Variants in PSMD5 observed in about 807,000 individuals in gnomAD.
The protein encoded by PSMD5 is proteasome 26S subunit, non-ATPase 5.
Under a neutral mutation model 52.1 loss-of-function variants are expected in PSMD5, and 40 were observed. The observed-to-expected ratio is 0.77, with a 90% CI of 0.60 to 1.00. PSMD5 has a LOEUF of 1.00. Among genes scored for constraint, PSMD5 ranks in the 50% least tolerant of loss-of-function variants. PSMD5 has a pLI of 0.00. For synonymous variants in PSMD5, 211 were observed against 226.6 expected, an observed-to-expected ratio of 0.93 and a Z score of 0.62; for missense variants, 575 against 605.2, an observed-to-expected ratio of 0.95 and a Z score of 0.52.
chr9:120,818,581 A>C (rs2045061394), intron 9 of PSMD5, among the ~76,000 whole-genome samples: 1 of 152,152 alleles, frequency 6.6e-6, no homozygotes, highest in Non-Finnish European at 1.5e-5. Flanking sequence ...TAACCTCAAG[A>C]TACTCATATA....
chr9:120,842,786 CCGCTTGCTGGCGAAGCT>C lies in PSMD5; in HGVS notation c.107_123del (p.Glu36GlyfsTer13), dbSNP rs775811039. The stretch of plus-strand genomic sequence containing the variant: ...AAGAGCGGGCCGAGGCGCAGCTCCG[CCGCTTGCTGGCGAAGCT>C]CGTTGAGCGGCACTGCCTGCAGCAC... On this transcript the variant is annotated frameshift_variant, in exon 1 of 10. Coordinates refer to ENST00000210313, the MANE Select transcript of PSMD5 (RefSeq NM_005047.4). LOFTEE classifies it high-confidence loss of function. 11 of 1,613,028 alleles carry C rather than the reference CCGCTTGCTGGCGAAGCT, an allele frequency of 6.8e-6. No homozygotes were observed. Among genetic ancestry groups the C allele is most frequent in the Non-Finnish European group, 9.3e-6 (11 of 1,180,006 alleles).
chr9:120,837,190 A>T (rs1425319919), intron 1 of PSMD5, among the ~76,000 whole-genome samples: 1 of 151,938 alleles, frequency 6.6e-6, no homozygotes, highest in African/African-American at 2.4e-5. Flanking sequence ...CGCCCAGCCA[A>T]TTTTTGTATT....
At chr9:120,842,705 C>T (rs780128791) in intron 1 of PSMD5, 32 bp downstream of exon 1, 15 of 1,611,410 alleles carry the variant, frequency 9.3e-6, no homozygotes, top group Middle Eastern at 1.6e-4. Flanking sequence ...GGGTGCCCCT[C>T]TCCTCGGCTC....
chr9:120,833,414 G>A lies in PSMD5; in HGVS notation c.216C>T (p.Leu72=), dbSNP rs1431330670. ...TLCVSILERL[L]QAMEPVHVAR... ...CCACGTGAACCGGTTCCATAGCTTG[G>A]AGCAATCTCTCCAGAATGGATACAC... Residue 72 remains leucine, a synonymous_variant, in exon 2 of 10, where the codon CTC becomes CTT. Coordinates refer to ENST00000210313, the MANE Select transcript of PSMD5 (RefSeq NM_005047.4). 6 of 1,614,054 alleles carry A rather than the reference G, an allele frequency of 3.7e-6. No homozygotes were observed. Among genetic ancestry groups the A allele is most frequent in the Non-Finnish European group, 5.1e-6 (6 of 1,179,966 alleles).
chr9:120,828,523 G>A (rs2045138778), intron 5 of PSMD5, among the ~76,000 whole-genome samples: 1 of 150,524 alleles, frequency 6.6e-6, no homozygotes, highest in African/African-American at 2.5e-5. Flanking sequence ...CACCTCCCAG[G>A]TTCAAGCAAT....
chr9:120,826,671 T>C, intron 6 of PSMD5, 94 bp downstream of exon 6: 1 of 1,406,838 alleles, frequency 7.1e-7, no homozygotes, highest in Non-Finnish European at 9.6e-7. Flanking sequence ...AGGAAAACAA[T>C]CCCTGTCCAC....
intron 8 of PSMD5, 50 bp downstream of exon 8, chr9:120,821,305 A>C: frequency 8.2e-7 from 1 of 1,217,924 alleles, no homozygotes; most frequent in Non-Finnish European, 1.2e-6. Flanking sequence ...ATACAGATTT[A>C]TTCTCCCAAA....
chr9:120,820,757 G>A, intron 9 of PSMD5, 82 bp downstream of exon 9: 2 of 1,348,290 alleles, frequency 1.5e-6, no homozygotes, highest in South Asian at 3.6e-5. Flanking sequence ...CCCCAGAGAT[G>A]GCACAGGCTC....
Position 120,820,820 on chromosome 9 carries a change from T to C in PSMD5, c.1257+19A>G. On this transcript the variant is annotated intron_variant, in intron 9 of 9. Coordinates refer to ENST00000210313, the MANE Select transcript of PSMD5 (RefSeq NM_005047.4). The stretch of plus-strand genomic sequence containing the variant: ...GAGCTGGCAGGGTCCCAGAAGGACC[T>C]ATGGAAGTGAATACCTACCGTAAAC... The C allele has an allele frequency of 6.5e-7, 1 of 1,548,212 alleles. No individual in the cohort carries two copies. Among genetic ancestry groups the C allele is most frequent in the Non-Finnish European group, 8.6e-7 (1 of 1,157,078 alleles).
rs2045158068 is a variant in PSMD5, at chr9:120,831,326, C to T, written c.561+5G>A. The T allele has an allele frequency of 4.4e-6, 7 of 1,577,982 alleles. No individual in the cohort carries two copies. The highest frequency in any genetic ancestry group is 6.0e-6 in the Non-Finnish European group (7 of 1,166,392). ...AAGCATGAGAAAGTGTGCTTTTTAT[C>T]TTACCTCATACACCCTGTATCGAAC... On this transcript the variant is annotated splice_donor_5th_base_variant and intron_variant, in intron 4 of 9. Transcript: ENST00000210313.
chr9:120,817,115 CTGAGTA>C lies in PSMD5; in HGVS notation c.*785_*790del, dbSNP rs2045048318. The C allele has an allele frequency of 1.3e-5, 2 of 151,914 alleles. No homozygotes were observed. The highest frequency in any genetic ancestry group is 4.8e-5 in the African/African-American group (2 of 41,388). The allele number at this position is 151,914 out of a possible 1,614,324, so 9.4% of individuals were successfully genotyped here. ...AACAAGAGAGCTCATAAAAAGTATTCTGAGTATAAGGAACATAATCTTAATATTCCA... is the reference window on the plus strand; with the variant it reads ...AACAAGAGAGCTCATAAAAAGTATTCTAAGGAACATAATCTTAATATTCCA... On this transcript the variant is annotated 3_prime_UTR_variant, in exon 10 of 10. Coordinates refer to ENST00000210313, the MANE Select transcript of PSMD5 (RefSeq NM_005047.4).
Position 120,831,456 on chromosome 9 carries a change from T to C in PSMD5, c.436A>G (p.Ile146Val), listed in dbSNP as rs1251873439. The C allele has an allele frequency of 3.1e-6, 5 of 1,606,444 alleles. No homozygotes were observed. Among genetic ancestry groups the C allele is most frequent in the South Asian group, 2.2e-5 (2 of 89,656 alleles). Residue 146 changes from isoleucine to valine, a missense_variant, in exon 4 of 10, where the codon ATC (isoleucine) becomes GTC (valine). Coordinates refer to ENST00000210313, the MANE Select transcript of PSMD5 (RefSeq NM_005047.4). The stretch of plus-strand genomic sequence containing the variant: ...AGTGATATTCTTGACAGGGATTTGA[T>C]AGCCTTATAACGAAAGAAAATATCT... ...GENLSVAKAA[I>V]KSLSRISLTQ...
chr9:120,816,813 T>C lies in PSMD5; in HGVS notation c.*1093A>G, dbSNP rs1312990686. ...ATTAATGAGATGGTATCCTGATTTA[T>C]GCATATGTCCCTTCTGTTCTGAGTC... On this transcript the variant is annotated 3_prime_UTR_variant, in exon 10 of 10. Coordinates refer to ENST00000210313, the MANE Select transcript of PSMD5 (RefSeq NM_005047.4). 1.3e-5 allele frequency: 2 copies of C among 152,204 alleles called. No individual in the cohort carries two copies. The highest frequency in any genetic ancestry group is 1.9e-4 in the East Asian group (1 of 5,196). 9.4% of individuals were successfully genotyped at this position (152,204 alleles called of 1,614,324 possible). A position where few individuals can be genotyped will look rare whatever the true frequency, so the allele number is the denominator to read the frequency against.
chr9:120,818,241 G>A, intron 9 of PSMD5, 78 bp from the exon 10 acceptor site: 1 of 1,407,406 alleles, frequency 7.1e-7, no homozygotes, highest in African/African-American at 1.4e-5. Context: ...TATTTACAAA[G>A]AAATCTGGCA....
chr9:120,819,006 T>C (rs906980954), intron 9 of PSMD5, among the ~76,000 whole-genome samples: 1 of 152,144 alleles, frequency 6.6e-6, no homozygotes, highest in Non-Finnish European at 1.5e-5. Flanking sequence ...ATTTGAAATA[T>C]TTCACCAAAA....
chr9:120,822,116 G>GTT (rs572568972), intron 7 of PSMD5, among the ~76,000 whole-genome samples: 1 of 151,382 alleles, frequency 6.6e-6, no homozygotes, highest in South Asian at 2.1e-4. Flanking sequence ...TATTTTATGG[G>GTT]TTTTTTTTTA....
chr9:120,829,302 C>T, intron 4 of PSMD5, 94 bp from the exon 5 acceptor site: 2 of 1,285,780 alleles, frequency 1.6e-6, no homozygotes, highest in Non-Finnish European at 2.0e-6. Context: ...GGACTAGGTA[C>T]TTTTTATAAA....
intron 1 of PSMD5, among the ~76,000 whole-genome samples, chr9:120,839,416 A>G (rs537615373): frequency 1.3e-5 from 2 of 152,244 alleles, no homozygotes; most frequent in South Asian, 2.1e-4. Context: ...TTGCTAGAAA[A>G]GGAATTTCAG....
At chr9:120,818,582 TACTC>T (rs556484412) in intron 9 of PSMD5, among the ~76,000 whole-genome samples, 251 of 152,262 alleles carry the variant, frequency 1.6e-3, no homozygotes, top group African/African-American at 5.8e-3. Flanking sequence ...AACCTCAAGA[TACTC>T]ATATAGTGCA....
Sources: allele counts gnomAD v4.1 joint callset (sites outside exome capture counted in the v4.1 genomes callset), GRCh38; gene constraint gnomAD v4.1.1; transcripts MANE v1.5; gene names NCBI Gene and HGNC (gene_info 2026-07-23, HGNC 2026-07-21).